The following CHMP7 variants were observed in gnomAD, a reference collection of about 807,000 sequenced individuals.
The protein encoded by CHMP7 is CHMP family, member 7.
Under a neutral mutation model 53.7 loss-of-function variants are expected in CHMP7, and 15 were observed. The ratio of observed to expected loss-of-function variants is 0.28; its 90% CI spans 0.19 to 0.43. The LOEUF is 0.43. CHMP7 is among the 20% of genes least tolerant of loss of function. The pLI is 1.00. For synonymous variants in CHMP7, 261 were observed against 228.0 expected (o/e 1.14, Z -1.30); for missense variants, 527 against 569.4 (o/e 0.93, Z 0.76).
Position 23,249,334 on chromosome 8 carries a change from A to G in CHMP7, c.424A>G (p.Asn142Asp), listed in dbSNP as rs1563402730. 2 of 1,612,230 alleles carry G rather than the reference A, an allele frequency of 1.2e-6. No individual in the cohort carries two copies. The highest frequency in any genetic ancestry group is 4.5e-5 in the East Asian group (2 of 44,714). ...KWTLSNMLGD[N>D]KVPAEEVLVA... Reference sequence around the variant, plus strand: ...GACTCTTTCTAACATGCTGGGAGATAATAAGGTTCCAGCTGAGGAGGTCCT... The same window carrying G: ...GACTCTTTCTAACATGCTGGGAGATGATAAGGTTCCAGCTGAGGAGGTCCT... The change falls in exon 3 of 11, where the codon AAT becomes GAT. Residue 142 changes from asparagine to aspartate, a missense_variant. Transcript: ENST00000397677.
intron 1 of CHMP7, among the ~76,000 whole-genome samples, chr8:23,245,834 T>C (rs762877978): frequency 6.6e-6 from 1 of 152,244 alleles, no homozygotes; most frequent in Non-Finnish European, 1.5e-5. Flanking sequence ...TTTCCTCTTG[T>C]GTGTTTTGGC....
Position 23,260,910 on chromosome 8 carries a change from A to G in CHMP7, c.*311A>G. The G allele has an allele frequency of 2.5e-6, 1 of 403,054 alleles. No homozygotes were observed. Among genetic ancestry groups the G allele is most frequent in the Non-Finnish European group, 4.5e-6 (1 of 223,974 alleles). The allele number at this position is 403,054 out of a possible 1,614,324, so 25.0% of individuals were successfully genotyped here. The stretch of plus-strand genomic sequence containing the variant: ...CATTGGCACACTTAGATTTGTCTTC[A>G]CCCACCAGCTTCGTTCCAGCCCATG... On this transcript the variant is annotated 3_prime_UTR_variant, in exon 11 of 11. Transcript: ENST00000397677.
chr8:23,251,210 A>G (rs1027858324), intron 3 of CHMP7, among the ~76,000 whole-genome samples: 1 of 151,902 alleles, frequency 6.6e-6, no homozygotes. Context: ...GTTGAGGTAA[A>G]TTTTTTTTCC....
intron 4 of CHMP7, among the ~76,000 whole-genome samples, chr8:23,255,907 A>G (rs184948610): frequency 1.3e-5 from 2 of 152,012 alleles, no homozygotes; most frequent in South Asian, 2.1e-4. Flanking sequence ...AATTACAGGC[A>G]TGCGCCACGG....
intron 9 of CHMP7, among the ~76,000 whole-genome samples, chr8:23,259,661 G>A (rs1230892467): frequency 6.6e-6 from 1 of 152,130 alleles, no homozygotes; most frequent in East Asian, 1.9e-4. Flanking sequence ...CCTGGCCCAA[G>A]GTGAGTGTTT....
chr8:23,257,818 A>G (rs986811934), intron 5 of CHMP7, among the ~76,000 whole-genome samples: 2 of 152,190 alleles, frequency 1.3e-5, no homozygotes, highest in African/African-American at 4.8e-5. Flanking sequence ...GAAAAAGCTT[A>G]TCCTTAGTCA....
intron 9 of CHMP7, among the ~76,000 whole-genome samples, chr8:23,259,593 C>T (rs1021564495): frequency 5.3e-5 from 8 of 152,050 alleles, no homozygotes; most frequent in East Asian, 1.9e-4. Context: ...CTCCTGACCT[C>T]GTGATCCGCC....
rs1182938805 is a variant in CHMP7, at chr8:23,246,474, C to T, written c.-222C>T. ...GGGAGGAGGGGTCGGCGCAAGCGCT[C>T]GGTGTCTCTCTGAAAAGAACTTCAT... On this transcript the variant is annotated 5_prime_UTR_variant, in exon 2 of 11. Transcript: ENST00000397677. 4.8e-5 allele frequency: 27 copies of T among 564,252 alleles called. No individual in the cohort carries two copies. Among genetic ancestry groups the T allele is most frequent in the Non-Finnish European group, 8.1e-5 (26 of 320,024 alleles). 35.0% of individuals were successfully genotyped at this position (564,252 alleles called of 1,614,324 possible).
chr8:23,250,285 G>T (rs1468103318), intron 3 of CHMP7, among the ~76,000 whole-genome samples: 1 of 151,798 alleles, frequency 6.6e-6, no homozygotes, highest in East Asian at 1.9e-4. Flanking sequence ...CCTCCTCAGA[G>T]CCCACCTCCT....
At chr8:23,250,915 T>A (rs1453664772) in intron 3 of CHMP7, among the ~76,000 whole-genome samples, 1 of 152,148 alleles carries the variant, frequency 6.6e-6, no homozygotes, top group Non-Finnish European at 1.5e-5. Flanking sequence ...CTCCCAGGAT[T>A]GTTGACTAAG....
intron 3 of CHMP7, chr8:23,254,877 C>G (rs1023686276): frequency 2.9e-6 from 1 of 343,808 alleles, no homozygotes; most frequent in Admixed American, 3.9e-5. Flanking sequence ...CAAGGTCACC[C>G]AGGCTAGGCT....
At chr8:23,252,708 C>A (rs1397171613) in intron 3 of CHMP7, among the ~76,000 whole-genome samples, 1 of 152,192 alleles carries the variant, frequency 6.6e-6, no homozygotes, top group African/African-American at 2.4e-5. Context: ...AGGAAGGCAT[C>A]TTCTGACTCA....
chr8:23,257,640 G>C (rs1563410791), intron 5 of CHMP7, among the ~76,000 whole-genome samples: 1 of 152,210 alleles, frequency 6.6e-6, no homozygotes, highest in African/African-American at 2.4e-5. Context: ...CCTCTGGCAG[G>C]AGAACACAGA....
intron 2 of CHMP7, 114 bp downstream of exon 2, chr8:23,247,108 C>G: frequency 9.4e-7 from 1 of 1,065,030 alleles, no homozygotes; most frequent in South Asian, 1.7e-5. Flanking sequence ...GTGTCTGGCC[C>G]AGAGAAGGCA....
intron 9 of CHMP7, chr8:23,259,923 A>G (rs1213325555): frequency 2.3e-5 from 12 of 526,562 alleles, no homozygotes; most frequent in Non-Finnish European, 3.4e-5. Context: ...GGTCAGGTCC[A>G]TGGTGTTAAC....
At chr8:23,248,107 C>G (rs1161911277) in intron 2 of CHMP7, 2 of 456,188 alleles carry the variant, frequency 4.4e-6, no homozygotes, top group Admixed American at 4.7e-5. Flanking sequence ...GCCACTGCAC[C>G]TGGCCAACGA....
rs1190594484 is a variant in CHMP7, at chr8:23,258,729, T to C, written c.961-3T>C. The C allele has an allele frequency of 1.2e-6, 2 of 1,603,648 alleles. No individual in the cohort carries two copies. The highest frequency in any genetic ancestry group is 1.3e-5 in the African/African-American group (1 of 74,806). On this transcript the variant is annotated splice_region_variant and splice_polypyrimidine_tract_variant and intron_variant, in intron 7 of 10. Transcript: ENST00000397677. ...TGCACTGATAGCTTTGCTTTGTCTT[T>C]AGGTTTTTAACGCCTACCAGGCTGG... is the stretch of plus-strand genomic sequence containing the variant.
At chr8:23,251,759 C>T (rs1008006326) in intron 3 of CHMP7, among the ~76,000 whole-genome samples, 1 of 152,162 alleles carries the variant, frequency 6.6e-6, no homozygotes, top group African/African-American at 2.4e-5. Flanking sequence ...GATAATCTAT[C>T]GATATGCCAC....
At chr8:23,256,647 C>T in intron 5 of CHMP7, 54 bp downstream of exon 5, 1 of 1,544,390 alleles carries the variant, frequency 6.5e-7, no homozygotes, top group Non-Finnish European at 8.8e-7. Context: ...GCCCCCAGAG[C>T]CAGCAAAATG....
Sources: gnomAD v4.1 joint callset for allele counts (sites outside exome capture counted in the v4.1 genomes callset) on GRCh38, gnomAD v4.1.1 for gene constraint, MANE v1.5 for transcripts, NCBI Gene and HGNC (gene_info 2026-07-23, HGNC 2026-07-21) for gene names.